Variants in BACH2 observed in about 807,000 individuals in gnomAD.
BACH2 encodes the protein BACH transcriptional regulator 2.
BACH2 carries 5 observed loss-of-function variants against 61.8 expected under a neutral mutation model. The observed-to-expected ratio is 0.08, with a 90% confidence interval of 0.04 to 0.17. The LOEUF (loss-of-function observed/expected upper bound fraction) is 0.17, where lower values mean the gene tolerates loss of function less well. Among genes scored for constraint, BACH2 ranks in the 10% least tolerant of loss-of-function variants. The pLI, the probability that BACH2 is intolerant of heterozygous loss-of-function variation, is 1.00. For synonymous variants in BACH2, 446 were observed against 440.1 expected (o/e 1.01, Z -0.17); for missense variants, 824 against 1,091.1 (o/e 0.76, Z 3.45).
At chr6:90,120,942 T>C (rs1432429932) in intron 4 of BACH2, among the ~76,000 whole-genome samples, 1 of 152,092 alleles carries the variant, frequency 6.6e-6, no homozygotes, top group Non-Finnish European at 1.5e-5. Flanking sequence ...GAAAATTTAG[T>C]AAAATTAAAG....
Position 90,030,084 on chromosome 6 carries a change from C to T in BACH2, c.-12-21228G>A, listed in dbSNP as rs117075112. ...CCATTGGCTCTATACAATGTGGATC[C>T]TTGCAGAGTAGAATTAGGCTGTTCT... On this transcript the variant is annotated intron_variant, in intron 5 of 8. Coordinates refer to ENST00000257749, the MANE Select transcript of BACH2 (RefSeq NM_021813.4). 5.4e-4 allele frequency among the ~76,000 whole-genome samples: 83 copies of T among 152,328 alleles called. 1 individual carries two copies. In the East Asian group the frequency reaches 0.014, roughly 27 times the overall value.
chr6:90,190,220 G>C (rs2127844405), intron 4 of BACH2, among the ~76,000 whole-genome samples: 1 of 152,268 alleles, frequency 6.6e-6, no homozygotes, highest in Middle Eastern at 3.4e-3. Context: ...TGGGATTATA[G>C]GCGTGAGCCA....
intron 5 of BACH2, among the ~76,000 whole-genome samples, chr6:90,076,570 T>C (rs1031694685): frequency 2.6e-5 from 4 of 152,324 alleles, no homozygotes; most frequent in Admixed American, 2.6e-4. Context: ...TGTACTGTAA[T>C]ATCTTCTGCA....
At chr6:90,201,644 T>C (rs953361908) in intron 4 of BACH2, among the ~76,000 whole-genome samples, 14 of 152,220 alleles carry the variant, frequency 9.2e-5, no homozygotes, top group Non-Finnish European at 2.1e-4. Flanking sequence ...TGTCTTTTGA[T>C]TGAAAGAAGT....
chr6:90,215,592 T>C (rs1769506558), intron 3 of BACH2, among the ~76,000 whole-genome samples: 1 of 151,700 alleles, frequency 6.6e-6, no homozygotes, highest in Non-Finnish European at 1.5e-5. Flanking sequence ...CTTTTTGGGG[T>C]GGGTGGTCAG....
chr6:89,996,484 C>T (rs747967499), intron 6 of BACH2, among the ~76,000 whole-genome samples: 6 of 152,160 alleles, frequency 3.9e-5, no homozygotes, highest in Non-Finnish European at 5.9e-5. Context: ...TTTTATTCTT[C>T]CATAGTAAGG....
intron 3 of BACH2, among the ~76,000 whole-genome samples, chr6:90,236,482 G>A (rs1338918441): frequency 6.6e-6 from 1 of 152,206 alleles, no homozygotes; most frequent in East Asian, 1.9e-4. Flanking sequence ...GACATTCTGG[G>A]ATTTAGACAC....
At chr6:90,211,631 T>TGTGTGTGCGC (rs1491202011) in intron 3 of BACH2, among the ~76,000 whole-genome samples, 6 of 140,976 alleles carry the variant, frequency 4.3e-5, no homozygotes, top group African/African-American at 1.6e-4. Flanking sequence ...TGTGTGTGTG[T>TGTGTGTGCGC]GCTCTCCTGA....
chr6:90,151,272 G>A (rs1253476105), intron 4 of BACH2, among the ~76,000 whole-genome samples: 1 of 151,976 alleles, frequency 6.6e-6, no homozygotes, highest in Non-Finnish European at 1.5e-5. Context: ...CTGAAATACT[G>A]ACCCTTTCCT....
At chr6:90,038,132 T>C (rs1306548419) in intron 5 of BACH2, among the ~76,000 whole-genome samples, 2 of 152,230 alleles carry the variant, frequency 1.3e-5, no homozygotes, top group East Asian at 3.8e-4. Context: ...CTTAGGAAAC[T>C]AGAACAACCT....
At chr6:90,025,115 G>A (rs1247298553) in intron 5 of BACH2, among the ~76,000 whole-genome samples, 2 of 152,208 alleles carry the variant, frequency 1.3e-5, no homozygotes, top group Admixed American at 6.5e-5. Context: ...TGAAATCAGC[G>A]GGTGAAAGGG....
At chr6:89,992,790 T>C (rs1248429126) in intron 6 of BACH2, among the ~76,000 whole-genome samples, 2 of 152,272 alleles carry the variant, frequency 1.3e-5, no homozygotes, top group Non-Finnish European at 2.9e-5. Context: ...GCACATGTTG[T>C]TTTGTATCTG....
intron 1 of BACH2, among the ~76,000 whole-genome samples, chr6:90,291,626 GT>G (rs2127893576): frequency 6.7e-6 from 1 of 149,990 alleles, no homozygotes; most frequent in African/African-American, 2.4e-5. Flanking sequence ...AAAAAAAAAG[GT>G]GAAAGTTGAG....
intron 5 of BACH2, among the ~76,000 whole-genome samples, chr6:90,064,929 T>C (rs1178346662): frequency 6.6e-6 from 1 of 152,182 alleles, no homozygotes; most frequent in East Asian, 1.9e-4. Flanking sequence ...TCAGCAAGCA[T>C]GTACCTATCA....
chr6:90,140,578 T>C (rs993918779), intron 4 of BACH2, among the ~76,000 whole-genome samples: 3 of 152,190 alleles, frequency 2.0e-5, no homozygotes, highest in African/African-American at 7.2e-5. Context: ...CAGAAACACT[T>C]TGGCTGAGCC....
chr6:90,189,975 G>A (rs1484368779), intron 4 of BACH2, among the ~76,000 whole-genome samples: 1 of 151,902 alleles, frequency 6.6e-6, no homozygotes, highest in Non-Finnish European at 1.5e-5. Context: ...ATGGAGTCTT[G>A]CACTGTCACC....
chr6:89,948,606 G>A (rs572101050), intron 7 of BACH2, among the ~76,000 whole-genome samples: 2 of 152,320 alleles, frequency 1.3e-5, no homozygotes, highest in South Asian at 4.1e-4. Context: ...ATGCGGATGA[G>A]GTGGACGCAG....
Position 89,930,772 on chromosome 6 carries a change from C to T in BACH2, c.*1636G>A, listed in dbSNP as rs2289577. On this transcript the variant is annotated 3_prime_UTR_variant, in exon 9 of 9. Transcript: ENST00000257749. The stretch of plus-strand genomic sequence containing the variant: ...TCGGGAAGGGGACAGGGAGGGTTCC[C>T]GGTGATAGCTTGTCCAAAGCCTCAG... 0.11 allele frequency: 16,182 copies of T among 152,522 alleles called. 973 individuals carry two copies. The highest frequency in any genetic ancestry group is 0.16 in the African/African-American group (6,471 of 41,518). 9.4% of individuals were successfully genotyped at this position (152,522 alleles called of 1,614,324 possible).
chr6:89,938,450 G>C, intron 7 of BACH2, 100 bp from the exon 8 acceptor site: 1 of 967,128 alleles, frequency 1.0e-6, no homozygotes, highest in East Asian at 2.6e-5. Flanking sequence ...TGATGACCAA[G>C]TAATATGGAA....
Sources: allele counts gnomAD v4.1 joint callset (sites outside exome capture counted in the v4.1 genomes callset), GRCh38; gene constraint gnomAD v4.1.1; transcripts MANE v1.5; gene names NCBI Gene and HGNC (gene_info 2026-07-23, HGNC 2026-07-21).